The following HTR7 variants were observed in gnomAD, a reference collection of about 807,000 sequenced individuals.
The protein encoded by HTR7 is 5-hydroxytryptamine receptor 7, also known as 5-HT-7.
Under a neutral mutation model 34.0 loss-of-function variants are expected in HTR7, and 16 were observed. That is an observed-to-expected ratio of 0.47 (90% CI 0.32 to 0.71). HTR7 has a LOEUF of 0.71. HTR7 is among the 30% of genes least tolerant of loss of function. The pLI, the probability that HTR7 is intolerant of heterozygous loss-of-function variation, is 0.04. For synonymous variants in HTR7, 265 were observed against 260.2 expected, an observed-to-expected ratio of 1.02 and a Z score of -0.18; for missense variants, 504 against 625.5, an observed-to-expected ratio of 0.81 and a Z score of 2.07.
chr10:90,823,229 C>T (rs1846014779), intron 1 of HTR7, among the ~76,000 whole-genome samples: 1 of 152,194 alleles, frequency 6.6e-6, no homozygotes, highest in Admixed American at 6.5e-5. Flanking sequence ...TCAACACCAG[C>T]CCATAAAAGC....
intron 1 of HTR7, among the ~76,000 whole-genome samples, chr10:90,829,613 G>C (rs1004303898): frequency 6.6e-6 from 1 of 152,030 alleles, no homozygotes; most frequent in Non-Finnish European, 1.5e-5. Context: ...AGTACTGGAA[G>C]TCCTAGCTAG....
intron 1 of HTR7, among the ~76,000 whole-genome samples, chr10:90,793,051 G>A (rs1845483933): frequency 6.6e-6 from 1 of 152,100 alleles, no homozygotes; most frequent in Non-Finnish European, 1.5e-5. Flanking sequence ...ATTAACAAAT[G>A]TGAAGAAACA....
chr10:90,775,628 G>A (rs1418650471), intron 1 of HTR7, among the ~76,000 whole-genome samples: 1 of 152,210 alleles, frequency 6.6e-6, no homozygotes, highest in Non-Finnish European at 1.5e-5. Context: ...GCCCTGGAGG[G>A]TTGAGCAGGG....
intron 1 of HTR7, among the ~76,000 whole-genome samples, chr10:90,759,661 CAAAAAAAA>C (rs60718814): frequency 1.4e-5 from 1 of 69,384 alleles, no homozygotes; most frequent in African/African-American, 4.9e-5. Flanking sequence ...GACTCTGTCT[CAAAAAAAA>C]AAAAAAAAAA....
At chr10:90,829,605 T>A (rs7081448) in intron 1 of HTR7, among the ~76,000 whole-genome samples, 22,110 of 152,056 alleles carry the variant, frequency 0.15, 1,719 homozygotes, top group East Asian at 0.2. Flanking sequence ...TTCAACACAG[T>A]ACTGGAAGTC....
At chr10:90,773,469 C>A (rs1315631687) in intron 1 of HTR7, among the ~76,000 whole-genome samples, 3 of 151,262 alleles carry the variant, frequency 2.0e-5, no homozygotes, top group African/African-American at 7.3e-5. Flanking sequence ...TACAAACAAT[C>A]TACTGATACT....
intron 1 of HTR7, among the ~76,000 whole-genome samples, chr10:90,792,129 A>T (rs1845468586): frequency 6.6e-6 from 1 of 152,198 alleles, no homozygotes; most frequent in Non-Finnish European, 1.5e-5. Context: ...AGTTCATTAT[A>T]CAATCTCTGA....
intron 1 of HTR7, among the ~76,000 whole-genome samples, chr10:90,810,336 C>A (rs1016893366): frequency 6.6e-6 from 1 of 152,094 alleles, no homozygotes; most frequent in African/African-American, 2.4e-5. Context: ...GATACTTCTA[C>A]TCCCTTCTTG....
intron 1 of HTR7, among the ~76,000 whole-genome samples, chr10:90,801,004 T>C (rs563704498): frequency 6.6e-6 from 1 of 152,298 alleles, no homozygotes; most frequent in East Asian, 1.9e-4. Context: ...CTCTGACAGA[T>C]TGTGCACATC....
chr10:90,745,906 C>T (rs947039382), intron 2 of HTR7, among the ~76,000 whole-genome samples: 1 of 152,180 alleles, frequency 6.6e-6, no homozygotes, highest in Non-Finnish European at 1.5e-5. Flanking sequence ...TTAAAGTTTG[C>T]TGACCTCTGT....
intron 1 of HTR7, among the ~76,000 whole-genome samples, chr10:90,782,448 G>C (rs1845319886): frequency 1.3e-5 from 2 of 151,906 alleles, no homozygotes; most frequent in Admixed American, 1.3e-4. Flanking sequence ...AGTATAAATG[G>C]GGATGATGAT....
At chr10:90,756,181 T>C (rs572498227) in intron 1 of HTR7, among the ~76,000 whole-genome samples, 1 of 152,204 alleles carries the variant, frequency 6.6e-6, no homozygotes, top group African/African-American at 2.4e-5. Context: ...AGAATGGCAG[T>C]TACCTCCGGG....
intron 1 of HTR7, among the ~76,000 whole-genome samples, chr10:90,758,608 A>G (rs936430431): frequency 6.6e-6 from 1 of 152,178 alleles, no homozygotes; most frequent in Non-Finnish European, 1.5e-5. Flanking sequence ...AAAAGTATAC[A>G]GTGATATAAT....
chr10:90,793,808 G>C (rs1845495976), intron 1 of HTR7, among the ~76,000 whole-genome samples: 1 of 152,188 alleles, frequency 6.6e-6, no homozygotes. Flanking sequence ...GTCTGTGGCT[G>C]AAGGCCCAAG....
chr10:90,786,026 C>T (rs987137972), intron 1 of HTR7, among the ~76,000 whole-genome samples: 1 of 152,192 alleles, frequency 6.6e-6, no homozygotes, highest in Non-Finnish European at 1.5e-5. Context: ...TACCACCTGG[C>T]TTCCTTCTTA....
intron 1 of HTR7, among the ~76,000 whole-genome samples, chr10:90,798,207 A>C (rs922153832): frequency 1.3e-5 from 2 of 152,220 alleles, no homozygotes; most frequent in African/African-American, 4.8e-5. Flanking sequence ...CAAGCAGCAG[A>C]AGAAGCCATG....
intron 1 of HTR7, among the ~76,000 whole-genome samples, chr10:90,761,226 G>T (rs919821197): frequency 2.0e-5 from 3 of 152,096 alleles, no homozygotes; most frequent in African/African-American, 7.2e-5. Flanking sequence ...CAGTTTAGAT[G>T]ATTTGTTTTC....
At chr10:90,788,709 T>C (rs1845418885) in intron 1 of HTR7, among the ~76,000 whole-genome samples, 1 of 152,214 alleles carries the variant, frequency 6.6e-6, no homozygotes, top group African/African-American at 2.4e-5. Flanking sequence ...GTACTTCATA[T>C]AAGACCTCTT....
chr10:90,754,779 G>A (rs2119694911), intron 1 of HTR7, among the ~76,000 whole-genome samples: 1 of 152,304 alleles, frequency 6.6e-6, no homozygotes, highest in Admixed American at 6.5e-5. Flanking sequence ...CTTCTTCTGA[G>A]TTTCACTGCT....
Sources: gnomAD v4.1 joint callset for allele counts (sites outside exome capture counted in the v4.1 genomes callset) on GRCh38, gnomAD v4.1.1 for gene constraint, MANE v1.5 for transcripts, NCBI Gene and HGNC (gene_info 2026-07-23, HGNC 2026-07-21) for gene names.